Variants in IL1RAPL1 observed in about 807,000 individuals in gnomAD.
The protein encoded by IL1RAPL1 is interleukin-1 receptor accessory protein-like 1.
Under a neutral mutation model 48.4 loss-of-function variants are expected in IL1RAPL1, and 3 were observed. The ratio of observed to expected loss-of-function variants is 0.06; its 90% CI spans 0.03 to 0.16. The LOEUF (loss-of-function observed/expected upper bound fraction) is 0.16. Ranked by LOEUF, IL1RAPL1 falls within the 10% of genes least tolerant of loss-of-function variation. The pLI is 1.00. For synonymous variants in IL1RAPL1, 185 were observed against 187.7 expected, an observed-to-expected ratio of 0.99 and a Z score of 0.12; for missense variants, 349 against 530.6, an observed-to-expected ratio of 0.66 and a Z score of 3.36.
At chrX:29,874,882 A>G (rs1218876294) in intron 6 of IL1RAPL1, among the ~76,000 whole-genome samples, 3 of 112,424 alleles carry the variant, frequency 2.7e-5, no homozygotes, top group South Asian at 3.7e-4. Context: ...CTTAGCACAT[A>G]TCTTTGACTT....
intron 1 of IL1RAPL1, among the ~76,000 whole-genome samples, chrX:28,729,624 G>A (rs758422840): frequency 1.8e-5 from 2 of 110,850 alleles, no homozygotes; most frequent in Non-Finnish European, 3.8e-5. Flanking sequence ...AATTAAATAT[G>A]TTATAGAAAA....
intron 3 of IL1RAPL1, among the ~76,000 whole-genome samples, chrX:29,359,233 A>C (rs138209708): frequency 8.9e-6 from 1 of 111,757 alleles, no homozygotes; most frequent in Non-Finnish European, 1.9e-5. Flanking sequence ...TTTAGCCACT[A>C]CTGAGAAGTC....
At chrX:28,639,315 A>G (rs751301401) in intron 1 of IL1RAPL1, among the ~76,000 whole-genome samples, 3 of 111,991 alleles carry the variant, frequency 2.7e-5, no homozygotes, top group Non-Finnish European at 5.6e-5. Context: ...TACATAGTTT[A>G]GCCATGGTGT....
intron 2 of IL1RAPL1, among the ~76,000 whole-genome samples, chrX:28,944,566 A>G (rs1345401575): frequency 9.0e-6 from 1 of 111,198 alleles, no homozygotes; most frequent in African/African-American, 3.3e-5. Flanking sequence ...AAAATTATTG[A>G]TAATTTCTTG....
Position 28,927,073 on chromosome X carries a change from T to G in IL1RAPL1, c.82+137648T>G, listed in dbSNP as rs1923763108. On this transcript the variant is annotated intron_variant, in intron 2 of 10. Coordinates refer to ENST00000378993, the MANE Select transcript of IL1RAPL1 (RefSeq NM_014271.4). ...CCACGCCTGGGTAATTTTTAAATTTTTTTGCAGAGACAGGGTCTCACTGTG... is the reference window on the plus strand; with the variant it reads ...CCACGCCTGGGTAATTTTTAAATTTGTTTGCAGAGACAGGGTCTCACTGTG... Among the ~76,000 whole-genome samples the G allele has an allele frequency of 3.6e-5, 4 of 111,403 alleles. No individual in the cohort carries two copies. In the Admixed American group the frequency reaches 3.8e-4, roughly 11 times the overall value.
chrX:29,577,914 T>G (rs1168072294), intron 5 of IL1RAPL1, among the ~76,000 whole-genome samples: 1 of 104,122 alleles, frequency 9.6e-6, no homozygotes, highest in East Asian at 3.0e-4. Flanking sequence ...TTATCAACTT[T>G]GGCTGTACAT....
At chrX:29,081,366 C>A (rs191776678) in intron 2 of IL1RAPL1, among the ~76,000 whole-genome samples, 1 of 109,724 alleles carries the variant, frequency 9.1e-6, no homozygotes, top group East Asian at 2.9e-4. Flanking sequence ...ACACACCCAG[C>A]TAATTTTTGT....
At chrX:28,665,799 T>C (rs1274895111) in intron 1 of IL1RAPL1, among the ~76,000 whole-genome samples, 1 of 112,207 alleles carries the variant, frequency 8.9e-6, no homozygotes, top group African/African-American at 3.2e-5. Context: ...CTATAAGTGG[T>C]ACTTTATAAG....
chrX:29,512,856 C>T (rs1026805338), intron 5 of IL1RAPL1, among the ~76,000 whole-genome samples: 1 of 111,840 alleles, frequency 8.9e-6, no homozygotes, highest in African/African-American at 3.2e-5. Flanking sequence ...ACATTTATAG[C>T]ATCTTTTAAA....
chrX:29,869,848 A>G (rs1464245186), intron 6 of IL1RAPL1, among the ~76,000 whole-genome samples: 2 of 110,524 alleles, frequency 1.8e-5, no homozygotes, highest in Admixed American at 9.7e-5. Context: ...CTCTGAGTAC[A>G]GCAGAGGGGG....
At chrX:29,041,137 G>A (rs1240449958) in intron 2 of IL1RAPL1, among the ~76,000 whole-genome samples, 1 of 111,383 alleles carries the variant, frequency 9.0e-6, no homozygotes, top group African/African-American at 3.3e-5. Flanking sequence ...TTGTCTTCAA[G>A]CAGCCCAGTG....
chrX:28,851,099 G>A lies in IL1RAPL1; in HGVS notation c.82+61674G>A, dbSNP rs564137336. On this transcript the variant is annotated intron_variant, in intron 2 of 10. Transcript: ENST00000378993. ...CTACTAGATCCTATTATGCAATTTTGTAACAGAGGCTCAGGCTGGAGTTAA... is the reference window on the plus strand; with the variant it reads ...CTACTAGATCCTATTATGCAATTTTATAACAGAGGCTCAGGCTGGAGTTAA... 3.8e-5 allele frequency among the ~76,000 whole-genome samples: 4 copies of A among 104,067 alleles called. No homozygotes were observed. The South Asian group carries it at 1.8e-3, about 47-fold the overall frequency. 90.4% of individuals were successfully genotyped at this position (104,067 alleles called of 115,157 possible).
At chrX:29,561,499 C>G (rs1316780048) in intron 5 of IL1RAPL1, among the ~76,000 whole-genome samples, 1 of 111,730 alleles carries the variant, frequency 9.0e-6, no homozygotes, top group Non-Finnish European at 1.9e-5. Context: ...TTTCCCAAGA[C>G]TATTCAACTG....
intron 2 of IL1RAPL1, among the ~76,000 whole-genome samples, chrX:28,935,075 G>C (rs1175105300): frequency 9.0e-6 from 1 of 111,446 alleles, no homozygotes; most frequent in African/African-American, 3.3e-5. Context: ...CAGTTCTGTG[G>C]ATTTATTTCA....
chrX:28,641,319 G>C (rs765985109), intron 1 of IL1RAPL1, among the ~76,000 whole-genome samples: 29 of 110,198 alleles, frequency 2.6e-4, no homozygotes, highest in African/African-American at 8.9e-4. Flanking sequence ...GTGGTGTTTG[G>C]TTTTCTGTTC....
At chrX:28,662,145 G>A (rs1018166193) in intron 1 of IL1RAPL1, among the ~76,000 whole-genome samples, 1 of 110,412 alleles carries the variant, frequency 9.1e-6, no homozygotes. Context: ...TGTGGCCTGG[G>A]TCTAGAGAAG....
At position 29,915,698 on chromosome X, in the gene IL1RAPL1, G is replaced by T. The variant is rs1437366339; in HGVS notation, c.779-1766G>T. 1.6e-4 allele frequency among the ~76,000 whole-genome samples: 16 copies of T among 100,479 alleles called. No individual in the cohort carries two copies. In the Admixed American group the frequency reaches 1.7e-3, roughly 11 times the overall value. The allele number at this position is 100,479 out of a possible 115,157, so 87.3% of individuals were successfully genotyped here. On this transcript the variant is annotated intron_variant, in intron 6 of 10. Transcript: ENST00000378993. ...TCCTTAGGATCGCAGAGTTCTCAGG[G>T]CCCTCTGGTAATATTCTTTTTTTTT... is the stretch of plus-strand genomic sequence containing the variant.
intron 6 of IL1RAPL1, among the ~76,000 whole-genome samples, chrX:29,915,342 T>G (rs1443299604): frequency 9.0e-6 from 1 of 111,666 alleles, no homozygotes; most frequent in Non-Finnish European, 1.9e-5. Context: ...AGGAATCTCT[T>G]GGAGAACATG....
intron 5 of IL1RAPL1, among the ~76,000 whole-genome samples, chrX:29,465,804 ACT>A (rs757185650): frequency 1.0e-3 from 115 of 111,120 alleles, no homozygotes; most frequent in Non-Finnish European, 2.0e-3. Context: ...ATTTCTAGAG[ACT>A]CTGATTTAAT....
Sources: gnomAD v4.1 joint callset for allele counts (sites outside exome capture counted in the v4.1 genomes callset) on GRCh38, gnomAD v4.1.1 for gene constraint, MANE v1.5 for transcripts, NCBI Gene and HGNC (gene_info 2026-07-23, HGNC 2026-07-21) for gene names.